Variants in ANKS1B observed in about 807,000 individuals in gnomAD.
The protein encoded by ANKS1B is ankyrin repeat and sterile alpha motif domain-containing protein 1B.
In ANKS1B, 36 loss-of-function variants were observed where a neutral mutation model predicts 148.3. The ratio of observed to expected loss-of-function variants is 0.24; its 90% CI spans 0.19 to 0.32. ANKS1B has a LOEUF of 0.32. Among genes scored for constraint, ANKS1B ranks in the 10% least tolerant of loss-of-function variants. The pLI, the probability that ANKS1B is intolerant of heterozygous loss-of-function variation, is 1.00. For synonymous variants in ANKS1B, 542 were observed against 560.8 expected (o/e 0.97, Z 0.47); for missense variants, 1,157 against 1,542.6 (o/e 0.75, Z 4.19).
At chr12:99,547,526 T>C (rs765769075) in intron 9 of ANKS1B, among the ~76,000 whole-genome samples, 40 of 152,166 alleles carry the variant, frequency 2.6e-4, no homozygotes, top group Middle Eastern at 3.4e-3. Flanking sequence ...AAAGCAATAA[T>C]ATTGTCTGGG....
At chr12:99,734,218 T>C (rs11110019) in intron 8 of ANKS1B, among the ~76,000 whole-genome samples, 35,130 of 152,086 alleles carry the variant, frequency 0.23, 4,643 homozygotes, top group Non-Finnish European at 0.31. Flanking sequence ...TACCCCCATA[T>C]TCTTGTCTTT....
chr12:99,765,391 G>A (rs906232527), intron 8 of ANKS1B, among the ~76,000 whole-genome samples: 6 of 152,086 alleles, frequency 3.9e-5, no homozygotes, highest in African/African-American at 1.4e-4. Flanking sequence ...GGTTCACGTA[G>A]CAGTTGTAGT....
At position 99,777,969 on chromosome 12, in the gene ANKS1B, C is replaced by T. The variant is rs574939522; in HGVS notation, c.847+1902G>A. On this transcript the variant is annotated intron_variant, in intron 6 of 26. Coordinates refer to ENST00000683438, the MANE Select transcript of ANKS1B (RefSeq NM_001352186.2). ...ATCCCAGCATTTTGGGAGGCCAAGG[C>T]GGGTGGCCCACAAAGTCAGGAGATC... is the stretch of plus-strand genomic sequence containing the variant. Among the ~76,000 whole-genome samples, 153 of 151,298 alleles carry T rather than the reference C, an allele frequency of 1.0e-3. 1 individual carries two copies. The highest frequency in any genetic ancestry group is 9.9e-4 in the Non-Finnish European group (67 of 67,778).
At chr12:99,124,353 G>A (rs1237041527) in intron 15 of ANKS1B, among the ~76,000 whole-genome samples, 1 of 151,820 alleles carries the variant, frequency 6.6e-6, no homozygotes, top group African/African-American at 2.4e-5. Flanking sequence ...CTAGAAAAAT[G>A]AAGACAGCAT....
intron 1 of ANKS1B, among the ~76,000 whole-genome samples, chr12:99,830,719 T>C (rs896005676): frequency 1.3e-5 from 2 of 151,720 alleles, no homozygotes; most frequent in African/African-American, 4.8e-5. Context: ...GAAAAAACAA[T>C]TTCAATTCCC....
intron 14 of ANKS1B, among the ~76,000 whole-genome samples, chr12:99,210,986 C>T (rs1022948219): frequency 2.6e-5 from 4 of 152,164 alleles, no homozygotes; most frequent in Non-Finnish European, 5.9e-5. Flanking sequence ...ACACTAATCA[C>T]GGTTTTTGCC....
At chr12:99,215,617 C>A (rs1215738953) in intron 14 of ANKS1B, among the ~76,000 whole-genome samples, 1 of 152,238 alleles carries the variant, frequency 6.6e-6, no homozygotes, top group African/African-American at 2.4e-5. Context: ...CAAAGGAGAT[C>A]ATTTTTGAAC....
At chr12:98,768,097 C>G (rs2098509857) in intron 25 of ANKS1B, among the ~76,000 whole-genome samples, 1 of 152,118 alleles carries the variant, frequency 6.6e-6, no homozygotes, top group African/African-American at 2.4e-5. Context: ...TTTGGGGAAG[C>G]TTTTGTTCTA....
intron 12 of ANKS1B, among the ~76,000 whole-genome samples, chr12:99,297,777 C>T (rs187018004): frequency 6.6e-6 from 1 of 152,248 alleles, no homozygotes; most frequent in East Asian, 1.9e-4. Flanking sequence ...CTATTATTAG[C>T]CTTCTCAAAC....
At chr12:99,016,368 A>G (rs1236736105) in intron 17 of ANKS1B, among the ~76,000 whole-genome samples, 1 of 152,184 alleles carries the variant, frequency 6.6e-6, no homozygotes, top group Non-Finnish European at 1.5e-5. Flanking sequence ...GAGCCTACAT[A>G]ATTCAGTCTG....
intron 10 of ANKS1B, among the ~76,000 whole-genome samples, chr12:99,459,255 T>C (rs1474396614): frequency 1.3e-5 from 2 of 151,776 alleles, no homozygotes; most frequent in Admixed American, 1.3e-4. Flanking sequence ...ATAAAGGTCA[T>C]TCGTTAATGT....
Position 98,745,708 on chromosome 12 carries a change from A to T in ANKS1B, c.*31T>A. ...CTGCTCCGGGACCGCTTGGCGAGCA[A>T]GGCACCGCGAGGACAGGAGGACGGC... is the stretch of plus-strand genomic sequence containing the variant. On this transcript the variant is annotated 3_prime_UTR_variant, in exon 27 of 27. Coordinates refer to ENST00000683438, the MANE Select transcript of ANKS1B (RefSeq NM_001352186.2). 3.7e-6 allele frequency: 6 copies of T among 1,610,456 alleles called. No individual in the cohort carries two copies. Among genetic ancestry groups the T allele is most frequent in the Non-Finnish European group, 5.1e-6 (6 of 1,178,006 alleles).
chr12:99,467,777 A>G (rs2096153306), intron 10 of ANKS1B, among the ~76,000 whole-genome samples: 1 of 152,270 alleles, frequency 6.6e-6, no homozygotes, highest in Non-Finnish European at 1.5e-5. Flanking sequence ...CCACTGCTCA[A>G]TGAAATAAAA....
rs73373868 is a variant in ANKS1B at position 99,174,373 on chromosome 12, C to G, written c.2420-19978G>C. On this transcript the variant is annotated intron_variant, in intron 14 of 26. Coordinates refer to ENST00000683438, the MANE Select transcript of ANKS1B (RefSeq NM_001352186.2). Reference sequence around the variant, plus strand: ...AAGCCATGTCTAGATTCCTGACCCACAGAAATTGCGAGATTATAAAATGTA... The same window carrying G: ...AAGCCATGTCTAGATTCCTGACCCAGAGAAATTGCGAGATTATAAAATGTA... Among the ~76,000 whole-genome samples, 502 of 152,320 alleles carry G rather than the reference C, an allele frequency of 3.3e-3. 3 individuals are homozygous for G. Among genetic ancestry groups the G allele is most frequent in the African/African-American group, 0.011 (476 of 41,566 alleles).
Position 99,475,068 on chromosome 12 carries a change from C to T in ANKS1B, c.1438+29408G>A, listed in dbSNP as rs142192045. Among the ~76,000 whole-genome samples, 3 of 150,854 alleles carry T rather than the reference C, an allele frequency of 2.0e-5. No individual in the cohort carries two copies. The East Asian group carries it at 5.9e-4, about 30-fold the overall frequency. ...CCTGGCCAACATGGTGAAATGCCAT[C>T]TGTACTAAAAATACAAAAAAAAAAA... On this transcript the variant is annotated intron_variant, in intron 10 of 26. Transcript: ENST00000683438.
intron 9 of ANKS1B, among the ~76,000 whole-genome samples, chr12:99,556,766 T>C (rs1016371036): frequency 6.6e-6 from 1 of 152,220 alleles, no homozygotes; most frequent in South Asian, 2.1e-4. Flanking sequence ...AGTGATATTC[T>C]TAGTATTGGT....
intron 25 of ANKS1B, among the ~76,000 whole-genome samples, chr12:98,770,398 C>T (rs561437182): frequency 6.6e-6 from 1 of 152,294 alleles, no homozygotes; most frequent in African/African-American, 2.4e-5. Flanking sequence ...TCAAATTTTA[C>T]AAGAATTGCA....
intron 15 of ANKS1B, chr12:99,099,742 G>C (rs1425132588): frequency 6.6e-6 from 1 of 152,120 alleles, no homozygotes; most frequent in African/African-American, 2.4e-5. Context: ...ATATAAAAAT[G>C]AATGACAAAA....
chr12:98,781,341 CAT>C (rs1555303956), intron 23 of ANKS1B, 138 bp from the exon 24 acceptor site: 5 of 676,738 alleles, frequency 7.4e-6, no homozygotes, highest in Non-Finnish European at 1.1e-5. Flanking sequence ...CACACACACA[CAT>C]CAGATACACA....
Sources: gnomAD v4.1 joint callset for allele counts (sites outside exome capture counted in the v4.1 genomes callset) on GRCh38, gnomAD v4.1.1 for gene constraint, MANE v1.5 for transcripts, NCBI Gene and HGNC (gene_info 2026-07-23, HGNC 2026-07-21) for gene names.